The following GAD1 variants were observed in gnomAD, a reference collection of about 807,000 sequenced individuals.
The protein encoded by GAD1 is glutamate decarboxylase 1.
Under a neutral mutation model 75.2 loss-of-function variants are expected in GAD1, and 35 were observed. That is an observed-to-expected ratio of 0.47 (90% CI 0.36 to 0.62). The LOEUF (loss-of-function observed/expected upper bound fraction) is 0.62. Among genes scored for constraint, GAD1 ranks in the 20% least tolerant of loss-of-function variants. The probability of loss-of-function intolerance (pLI) is 0.00; values close to 1 mark genes in which losing one functional copy is unlikely to be tolerated. For synonymous variants in GAD1, 257 were observed against 271.9 expected (o/e 0.95, Z 0.54); for missense variants, 490 against 758.5 (o/e 0.65, Z 4.16).
At chr2:170,856,935 C>A in intron 14 of GAD1, 83 bp from the exon 15 acceptor site, 1 of 1,073,634 alleles carries the variant, frequency 9.3e-7, no homozygotes, top group East Asian at 2.4e-5. Context: ...TGTTTATTTC[C>A]CATAGACAGG....
In GAD1 at chr2:170,858,736, T is replaced by G; in HGVS notation, c.1522-68T>G. 3 of 1,428,344 alleles carry G rather than the reference T, an allele frequency of 2.1e-6. No individual in the cohort carries two copies. In the South Asian group the frequency reaches 3.5e-5, roughly 17 times the overall value. 88.5% of individuals were successfully genotyped at this position (1,428,344 alleles called of 1,614,324 possible). On this transcript the variant is annotated intron_variant, in intron 15 of 16. Coordinates refer to ENST00000358196, the MANE Select transcript of GAD1 (RefSeq NM_000817.3). The stretch of plus-strand genomic sequence containing the variant: ...AAGAGACTTCCACCAAGGATGCATA[T>G]TGGTTTGGGAACAGCTTTCTCTCAA...
At chr2:170,849,555 G>A (rs931381028) in intron 12 of GAD1, among the ~76,000 whole-genome samples, 1 of 152,212 alleles carries the variant, frequency 6.6e-6, no homozygotes, top group African/African-American at 2.4e-5. Flanking sequence ...AATTTAGAAA[G>A]AAAGAAAGAC....
intron 6 of GAD1, among the ~76,000 whole-genome samples, chr2:170,837,655 T>G (rs45477995): frequency 0.024 from 3,698 of 152,354 alleles, 59 homozygotes; most frequent in Middle Eastern, 0.044. Context: ...TACCAGTATC[T>G]ATACATCCAG....
At chr2:170,842,582 A>G in intron 6 of GAD1, 1 of 1,613,996 alleles carries the variant, frequency 6.2e-7, no homozygotes, top group Non-Finnish European at 8.5e-7. Context: ...ATCAGACATG[A>G]GGGAGTGTTG....
rs1702797057 is a variant in GAD1, at chr2:170,853,850, A to G, written c.1264-23A>G. The G allele has an allele frequency of 6.2e-7, 1 of 1,613,658 alleles. No homozygotes were observed. Among genetic ancestry groups the G allele is most frequent in the South Asian group, 1.1e-5 (1 of 91,080 alleles). ...ATCTCTGATGTGTAAATGCAGATGC[A>G]CCCATCTTAATTTCCATGATAGGGT... On this transcript the variant is annotated intron_variant, in intron 13 of 16. Coordinates refer to ENST00000358196, the MANE Select transcript of GAD1 (RefSeq NM_000817.3). This position sits in a 1 kb window ranked among gnomAD's most constrained non-coding sequence, Gnocchi z 4.1.
chr2:170,829,299 C>A, intron 3 of GAD1, 176 bp from the exon 4 acceptor site: 3 of 689,682 alleles, frequency 4.3e-6, no homozygotes, highest in Non-Finnish European at 5.0e-6. Context: ...TTGGCACTGC[C>A]CCCCTCCCTG....
intron 7 of GAD1, among the ~76,000 whole-genome samples, chr2:170,844,407 CTTTT>C (rs11327360): frequency 1.6e-5 from 2 of 124,506 alleles, no homozygotes; most frequent in Non-Finnish European, 1.7e-5. Context: ...TTTCTTTTTT[CTTTT>C]TTTTTTTTTT....
rs896209316 is a variant in GAD1, at chr2:170,818,756, A to T, written c.82+83A>T. Reference sequence around the variant, plus strand: ...ACGTCGGGAGGCTGAGCTGGCGGAAAGGGAAGGGGGAGCGCGGAGATAATG... The same window carrying T: ...ACGTCGGGAGGCTGAGCTGGCGGAATGGGAAGGGGGAGCGCGGAGATAATG... On this transcript the variant is annotated intron_variant, in intron 2 of 16. Transcript: ENST00000358196. The surrounding 1 kb of genome is among the most constrained non-coding windows in gnomAD (Gnocchi z 5.9). 4.7e-5 allele frequency: 62 copies of T among 1,326,864 alleles called. No individual in the cohort carries two copies. In the Admixed American group the frequency reaches 1.0e-3, roughly 22 times the overall value. The allele number at this position is 1,326,864 out of a possible 1,614,324, so 82.2% of individuals were successfully genotyped here. A position where few individuals can be genotyped will look rare whatever the true frequency, so the allele number is the denominator to read the frequency against.
intron 7 of GAD1, among the ~76,000 whole-genome samples, chr2:170,844,464 A>G (rs1702589741): frequency 7.3e-6 from 1 of 136,118 alleles, no homozygotes; most frequent in African/African-American, 2.8e-5. Context: ...GCTAGAGTGC[A>G]GTGGTGTGAT....
At chr2:170,827,433 A>T (rs1702051388) in intron 3 of GAD1, among the ~76,000 whole-genome samples, 1 of 152,232 alleles carries the variant, frequency 6.6e-6, no homozygotes, top group African/African-American at 2.4e-5. Context: ...TTGAAGGAGG[A>T]GAAGCCAAAG....
rs766254022 is a variant in GAD1 at position 170,845,637 on chromosome 2, T to C, written c.867+16T>C. ...CTCAGAACAGGTGAGTCGGGGATGC[T>C]TTCTCATGGATAGTGGTGTTTTTTA... On this transcript the variant is annotated intron_variant, in intron 8 of 16. Coordinates refer to ENST00000358196, the MANE Select transcript of GAD1 (RefSeq NM_000817.3). 12 of 1,613,298 alleles carry C rather than the reference T, an allele frequency of 7.4e-6. No individual in the cohort carries two copies. The highest frequency in any genetic ancestry group is 1.6e-4 in the Middle Eastern group (1 of 6,080).
At chr2:170,828,236 G>A (rs1331727503) in intron 3 of GAD1, among the ~76,000 whole-genome samples, 57 of 63,444 alleles carry the variant, frequency 9.0e-4, no homozygotes, top group Admixed American at 4.4e-3. Context: ...TCTTTCTGCT[G>A]TCCTCACCCC....
intron 2 of GAD1, among the ~76,000 whole-genome samples, chr2:170,820,324 T>G (rs1701837881): frequency 6.6e-6 from 1 of 152,160 alleles, no homozygotes; most frequent in South Asian, 2.1e-4. Flanking sequence ...GCACGTGGCC[T>G]GGTTCGCCTG....
chr2:170,814,326 C>T (rs1407153201), upstream of GAD1, among the ~76,000 whole-genome samples: 2 of 152,086 alleles, frequency 1.3e-5, no homozygotes, highest in African/African-American at 4.8e-5. Flanking sequence ...CGGAAGCAAA[C>T]GAAACAGAGG....
At chr2:170,842,572 A>G (rs577158524) in intron 6 of GAD1, 2 of 1,613,916 alleles carry the variant, frequency 1.2e-6, no homozygotes, top group Admixed American at 1.7e-5. Flanking sequence ...TTATCAGGCC[A>G]TCAGACATGA....
intron 6 of GAD1, among the ~76,000 whole-genome samples, chr2:170,843,334 G>A (rs1252259356): frequency 6.6e-6 from 1 of 152,160 alleles, no homozygotes; most frequent in Admixed American, 6.5e-5. Flanking sequence ...ACAGCTAGTT[G>A]TTTATGCCAG....
chr2:170,821,498 TCTGA>T (rs1559267354), intron 2 of GAD1, among the ~76,000 whole-genome samples: 1 of 152,202 alleles, frequency 6.6e-6, no homozygotes, highest in African/African-American at 2.4e-5. Flanking sequence ...CACTCCCCGG[TCTGA>T]CTGAAGAGCA....
rs568655354 is a variant in GAD1 at position 170,860,036 on chromosome 2, T to C, written c.*154T>C. 3.9e-6 allele frequency: 3 copies of C among 775,558 alleles called. No homozygotes were observed. The highest frequency in any genetic ancestry group is 3.5e-5 in the African/African-American group (2 of 57,828). The allele number at this position is 775,558 out of a possible 1,614,324, so 48.0% of individuals were successfully genotyped here. ...GTTAAAACCTTACTTAAAGCTTGTT[T>C]GTTCTAGTTAGCAGGAAATAGTGTT... On this transcript the variant is annotated 3_prime_UTR_variant, in exon 17 of 17. Transcript: ENST00000358196.
At chr2:170,858,780 G>A in intron 15 of GAD1, 24 bp from the exon 16 acceptor site, 1 of 1,609,960 alleles carries the variant, frequency 6.2e-7, no homozygotes, top group Non-Finnish European at 8.5e-7. Flanking sequence ...AATTTTCTTT[G>A]TTTGTCTTTT....
Sources: gnomAD v4.1 joint callset for allele counts (sites outside exome capture counted in the v4.1 genomes callset) on GRCh38, gnomAD v4.1.1 for gene constraint, Gnocchi (gnomAD v3.1) non-coding constraint, MANE v1.5 for transcripts, NCBI Gene and HGNC (gene_info 2026-07-23, HGNC 2026-07-21) for gene names.